The following LRP1B variants were observed in gnomAD, a reference collection of about 807,000 sequenced individuals.
LRP1B encodes LDL receptor related protein 1B.
In LRP1B, 217 loss-of-function variants were observed where a neutral mutation model predicts 556.6. The ratio of observed to expected loss-of-function variants is 0.39; its 90% CI spans 0.35 to 0.44. The LOEUF (loss-of-function observed/expected upper bound fraction) is 0.44, where lower values mean the gene tolerates loss of function less well. Ranked by LOEUF, LRP1B falls within the 20% of genes least tolerant of loss-of-function variation. LRP1B has a pLI of 1.00. For synonymous variants in LRP1B, 2,047 were observed against 1,865.8 expected, an observed-to-expected ratio of 1.10 and a Z score of -2.50; for missense variants, 5,053 against 5,620.8, an observed-to-expected ratio of 0.90 and a Z score of 3.23.
At chr2:141,498,880 G>T (rs898627560) in intron 2 of LRP1B, among the ~76,000 whole-genome samples, 4 of 151,982 alleles carry the variant, frequency 2.6e-5, no homozygotes, top group Admixed American at 6.6e-5. Flanking sequence ...TTCAGTGAGG[G>T]CTTCTACAAA....
intron 1 of LRP1B, among the ~76,000 whole-genome samples, chr2:141,952,713 TAA>T: frequency 6.6e-6 from 1 of 152,144 alleles, no homozygotes; most frequent in East Asian, 1.9e-4. Context: ...GGTACCACTA[TAA>T]AAACAATTAA....
chr2:141,617,728 A>C (rs1688360251), intron 2 of LRP1B, among the ~76,000 whole-genome samples: 1 of 152,192 alleles, frequency 6.6e-6, no homozygotes, highest in African/African-American at 2.4e-5. Context: ...TAGGCTTTTA[A>C]AAAATGTAAT....
chr2:140,861,966 T>C (rs947584741), intron 27 of LRP1B, among the ~76,000 whole-genome samples: 1 of 152,230 alleles, frequency 6.6e-6, no homozygotes, highest in Non-Finnish European at 1.5e-5. Context: ...CTTCTTTGCC[T>C]TCCTTTTTAG....
intron 41 of LRP1B, among the ~76,000 whole-genome samples, chr2:140,624,932 A>T (rs1683602215): frequency 6.6e-6 from 1 of 152,206 alleles, no homozygotes; most frequent in South Asian, 2.1e-4. Context: ...CAGAAGAAAC[A>T]GCGTATGTCA....
chr2:140,364,980 C>A (rs1558831551), intron 71 of LRP1B, among the ~76,000 whole-genome samples, 197 bp from the exon 72 acceptor site: 1 of 151,168 alleles, frequency 6.6e-6, no homozygotes, highest in African/African-American at 2.4e-5. Context: ...GTTGACATTT[C>A]AAAACATTCT....
chr2:140,829,380 G>C (rs996488611), intron 31 of LRP1B, among the ~76,000 whole-genome samples: 2 of 152,090 alleles, frequency 1.3e-5, no homozygotes, highest in African/African-American at 4.8e-5. Flanking sequence ...ATCTATGTGA[G>C]GCCACAAAAT....
chr2:142,012,975 G>A (rs1703002626), intron 1 of LRP1B, among the ~76,000 whole-genome samples: 1 of 152,228 alleles, frequency 6.6e-6, no homozygotes, highest in South Asian at 2.1e-4. Flanking sequence ...GCACATTCAT[G>A]GAAAGGAAGG....
At chr2:142,098,813 A>G (rs1706470061) in intron 1 of LRP1B, among the ~76,000 whole-genome samples, 1 of 151,864 alleles carries the variant, frequency 6.6e-6, no homozygotes, top group South Asian at 2.1e-4. Flanking sequence ...AGAAATCTCA[A>G]TGGACTAAGC....
intron 2 of LRP1B, among the ~76,000 whole-genome samples, chr2:141,512,567 GC>G (rs1684169968): frequency 2.0e-5 from 3 of 152,256 alleles, no homozygotes; most frequent in Admixed American, 2.0e-4. Flanking sequence ...ACTTCATGGA[GC>G]TGAGCACACC....
At chr2:141,488,812 A>G (rs1187134742) in intron 2 of LRP1B, among the ~76,000 whole-genome samples, 1 of 152,080 alleles carries the variant, frequency 6.6e-6, no homozygotes, top group African/African-American at 2.4e-5. Flanking sequence ...TGAAGATCCT[A>G]TGATTTCTAA....
At chr2:141,908,110 G>A (rs867655326) in intron 1 of LRP1B, among the ~76,000 whole-genome samples, 1 of 151,926 alleles carries the variant, frequency 6.6e-6, no homozygotes, top group African/African-American at 2.4e-5. Context: ...ACGTAAAGGG[G>A]AAAATAAAGA....
At chr2:141,555,851 C>T (rs1024521885) in intron 2 of LRP1B, among the ~76,000 whole-genome samples, 2 of 151,794 alleles carry the variant, frequency 1.3e-5, no homozygotes, top group Non-Finnish European at 2.9e-5. Flanking sequence ...AAATCACAGG[C>T]ACTTTCAAAA....
intron 2 of LRP1B, among the ~76,000 whole-genome samples, chr2:141,510,900 A>C (rs1260763414): frequency 0.2 from 13,034 of 64,126 alleles, 619 homozygotes; most frequent in South Asian, 0.26. Flanking sequence ...ACACACACAC[A>C]CACACACACC....
At chr2:142,103,105 T>C (rs1706622618) in intron 1 of LRP1B, among the ~76,000 whole-genome samples, 1 of 151,952 alleles carries the variant, frequency 6.6e-6, no homozygotes, top group South Asian at 2.1e-4. Context: ...AAGGGTTAAG[T>C]AATGTTTTTG....
intron 7 of LRP1B, among the ~76,000 whole-genome samples, chr2:141,122,444 T>C (rs1701082285): frequency 1.4e-5 from 2 of 147,724 alleles, no homozygotes; most frequent in Admixed American, 6.7e-5. Flanking sequence ...GCAAAGGATA[T>C]GAACAGACAC....
At chr2:140,708,263 C>G (rs1174460369) in intron 37 of LRP1B, among the ~76,000 whole-genome samples, 1 of 150,622 alleles carries the variant, frequency 6.6e-6, no homozygotes, top group Non-Finnish European at 1.5e-5. Flanking sequence ...TTTTTTTTTT[C>G]TTTTAGGCAA....
rs912064461 is a variant in LRP1B, at chr2:142,035,115, C to CT, written c.82+95532dup. Among the ~76,000 whole-genome samples, 27 of 151,482 alleles carry CT rather than the reference C, an allele frequency of 1.8e-4. No individual in the cohort carries two copies. The South Asian group carries it at 2.9e-3, about 16-fold the overall frequency. ...AAAAGTGGACAAATATTCAACATTT[C>CT]TTTTTTTTAACTATTTTCTTTGGTT... On this transcript the variant is annotated intron_variant, in intron 1 of 90. Transcript: ENST00000389484.
At chr2:141,112,289 G>T (rs1187962182) in intron 7 of LRP1B, among the ~76,000 whole-genome samples, 1 of 152,096 alleles carries the variant, frequency 6.6e-6, no homozygotes. Context: ...CCCTGCTGAG[G>T]TCAAGCAGGA....
At chr2:140,580,204 C>A (rs796367979) in intron 43 of LRP1B, among the ~76,000 whole-genome samples, 3 of 152,214 alleles carry the variant, frequency 2.0e-5, no homozygotes, top group African/African-American at 7.2e-5. Context: ...TGTAACTCAG[C>A]AAATTGAGTA....
Sources: allele counts gnomAD v4.1 joint callset (sites outside exome capture counted in the v4.1 genomes callset), GRCh38; gene constraint gnomAD v4.1.1; transcripts MANE v1.5; gene names NCBI Gene and HGNC (gene_info 2026-07-23, HGNC 2026-07-21).